Variants in LIX1 observed in about 807,000 individuals in gnomAD.
LIX1 encodes limb and CNS expressed 1, also known as protein limb expression 1 homolog.
A neutral mutation model predicts 33.4 loss-of-function variants in LIX1; 24 were observed. The ratio of observed to expected loss-of-function variants is 0.72; its 90% CI spans 0.52 to 1.01. LIX1 has a LOEUF of 1.01. Among genes scored for constraint, LIX1 ranks in the 50% least tolerant of loss-of-function variants. LIX1 has a pLI of 0.00. For missense variants in LIX1, 311 were observed against 339.2 expected (o/e 0.92, Z 0.65); for synonymous variants, 124 against 124.0 (o/e 1.00, Z 0.00).
intron 1 of LIX1, among the ~76,000 whole-genome samples, chr5:97,141,755 T>C (rs558004901): frequency 6.6e-6 from 1 of 152,200 alleles, no homozygotes; most frequent in Non-Finnish European, 1.5e-5. Flanking sequence ...AACATGAAGA[T>C]AGTCTGTTTT....
chr5:97,122,443 A>G (rs150330689), intron 2 of LIX1, among the ~76,000 whole-genome samples: 1 of 152,250 alleles, frequency 6.6e-6, no homozygotes, highest in African/African-American at 2.4e-5. Context: ...GCCTAGCACT[A>G]TTGTGAATTT....
At chr5:97,110,087 T>A (rs923818092) in intron 2 of LIX1, among the ~76,000 whole-genome samples, 1 of 152,230 alleles carries the variant, frequency 6.6e-6, no homozygotes, top group African/African-American at 2.4e-5. Context: ...TTTTTTTCTT[T>A]GGGTAAATTC....
intron 4 of LIX1, among the ~76,000 whole-genome samples, chr5:97,097,725 AGTTTG>A (rs1473772777): frequency 6.6e-6 from 1 of 152,248 alleles, no homozygotes; most frequent in Admixed American, 6.5e-5. Context: ...GGACGCCATT[AGTTTG>A]GACAGAGCTA....
chr5:97,123,244 A>T (rs1414841626), intron 2 of LIX1, among the ~76,000 whole-genome samples: 2 of 152,020 alleles, frequency 1.3e-5, no homozygotes, highest in Admixed American at 6.6e-5. Flanking sequence ...TTCAACCCAT[A>T]TCTCTTCCTT....
chr5:97,124,354 A>T, intron 2 of LIX1, 112 bp downstream of exon 2: 1 of 920,628 alleles, frequency 1.1e-6, no homozygotes, highest in Non-Finnish European at 1.6e-6. Flanking sequence ...AGGATATGGT[A>T]CAACTTTGTT....
intron 2 of LIX1, among the ~76,000 whole-genome samples, chr5:97,108,214 C>T (rs1484511067): frequency 2.6e-5 from 4 of 152,212 alleles, no homozygotes. Flanking sequence ...CCCCCACCTT[C>T]CTTCTAGTAA....
At chr5:97,121,313 T>A (rs1287747806) in intron 2 of LIX1, among the ~76,000 whole-genome samples, 1 of 152,160 alleles carries the variant, frequency 6.6e-6, no homozygotes, top group Non-Finnish European at 1.5e-5. Context: ...CCATTTCCAT[T>A]TGACAACCTA....
Position 97,095,033 on chromosome 5 carries a change from T to C in LIX1, c.564A>G (p.Glu188=). The change falls in exon 6 of 6, where the codon GAA becomes GAG. Residue 188 remains glutamate (E), a splice_region_variant and synonymous_variant. Transcript: ENST00000274382. The part of the protein sequence containing the change: ...ALRETKCSRQ[E]VISYYSQYSL... Reference sequence around the variant, plus strand: ...AATACTGAGAATAGTAGGAGATGACTTCCTGGGGGCCAAGAAACAAAGTCC... The same window carrying C: ...AATACTGAGAATAGTAGGAGATGACCTCCTGGGGGCCAAGAAACAAAGTCC... 3.7e-6 allele frequency: 6 copies of C among 1,612,018 alleles called. No individual in the cohort carries two copies. Among genetic ancestry groups the C allele is most frequent in the Non-Finnish European group, 4.2e-6 (5 of 1,178,572 alleles).
chr5:97,096,896 C>T lies in LIX1; in HGVS notation c.484-9G>A. 6.2e-7 allele frequency: 1 copy of T among 1,609,686 alleles called. No individual in the cohort carries two copies. The highest frequency in any genetic ancestry group is 8.5e-7 in the Non-Finnish European group (1 of 1,175,940). ...AAAATGGTCATCAGCTCCTACAAAA[C>T]CCAAACACCTATCATTGGTCCCAAA... On this transcript the variant is annotated splice_polypyrimidine_tract_variant and intron_variant, in intron 4 of 5. Coordinates refer to ENST00000274382, the MANE Select transcript of LIX1 (RefSeq NM_153234.5).
At chr5:97,095,169 A>G in intron 5 of LIX1, 134 bp from the exon 6 acceptor site, 1 of 847,942 alleles carries the variant, frequency 1.2e-6, no homozygotes, top group Non-Finnish European at 1.8e-6. Context: ...AAAAACTGAA[A>G]CCAAAACCCA....
rs113654409 is a variant in LIX1 at position 97,140,534 on chromosome 5, A to G, written c.82+1961T>C. On this transcript the variant is annotated intron_variant, in intron 1 of 5. Transcript: ENST00000274382. ...AGTGTGGTGGCAGCAACTTATGGGT[A>G]TGCCAAAGAAAATGGGACCATATGC... is the stretch of plus-strand genomic sequence containing the variant. 4.5e-3 allele frequency among the ~76,000 whole-genome samples: 678 copies of G among 152,324 alleles called. 6 individuals carry two copies. The highest frequency in any genetic ancestry group is 0.015 in the African/African-American group (631 of 41,578).
rs1580212742 is a variant in LIX1, at chr5:97,105,099, T to G, written c.483+91A>C. ...AAAAACACTTAAGACCAAAAGATTATTGGGTCGGGAGATGTTAGTGATAAA... is the reference window on the plus strand; with the variant it reads ...AAAAACACTTAAGACCAAAAGATTAGTGGGTCGGGAGATGTTAGTGATAAA... On this transcript the variant is annotated intron_variant, in intron 4 of 5. Coordinates refer to ENST00000274382, the MANE Select transcript of LIX1 (RefSeq NM_153234.5). 3 of 1,158,866 alleles carry G rather than the reference T, an allele frequency of 2.6e-6. No individual in the cohort carries two copies. In the East Asian group the frequency reaches 7.1e-5, roughly 27 times the overall value. 71.8% of individuals were successfully genotyped at this position (1,158,866 alleles called of 1,614,324 possible). A position where few individuals can be genotyped will look rare whatever the true frequency, so the allele number is the denominator to read the frequency against.
At chr5:97,136,996 C>G (rs148114188) in intron 1 of LIX1, 1 of 312,134 alleles carries the variant, frequency 3.2e-6, no homozygotes, top group East Asian at 9.4e-5. Context: ...AAAGAAGATT[C>G]TTTTATGAAA....
At chr5:97,120,640 A>G (rs1322238823) in intron 2 of LIX1, among the ~76,000 whole-genome samples, 1 of 152,156 alleles carries the variant, frequency 6.6e-6, no homozygotes, top group East Asian at 1.9e-4. Context: ...GAGTATGGGA[A>G]TGGTTAGAAG....
Position 97,124,549 on chromosome 5 carries a change from CCACCA to C in LIX1, c.158_162del (p.Val53GlyfsTer3). 1 of 1,612,538 alleles carries C rather than the reference CCACCA, an allele frequency of 6.2e-7. No individual in the cohort carries two copies. The highest frequency in any genetic ancestry group is 8.5e-7 in the Non-Finnish European group (1 of 1,179,022). On this transcript the variant is annotated frameshift_variant, in exon 2 of 6. Transcript: ENST00000274382. LOFTEE classifies it high-confidence loss of function. ...CCAGGAGCTGGCAGTGACTCATAGA[CCACCA>C]CACCTTCACTTGGGAATGCAGCCTT...
chr5:97,096,952 G>T, intron 4 of LIX1, 65 bp from the exon 5 acceptor site: 2 of 1,173,328 alleles, frequency 1.7e-6, no homozygotes, highest in South Asian at 1.2e-5. Flanking sequence ...GAGCTGAGCA[G>T]GGCATAACTC....
intron 1 of LIX1, chr5:97,137,093 T>G (rs1445375642): frequency 4.5e-6 from 2 of 446,658 alleles, no homozygotes; most frequent in East Asian, 1.4e-4. Context: ...GATCATAACT[T>G]AGAAACTCAC....
intron 5 of LIX1, among the ~76,000 whole-genome samples, chr5:97,096,229 G>T (rs2112745533): frequency 6.6e-6 from 1 of 152,288 alleles, no homozygotes; most frequent in African/African-American, 2.4e-5. Context: ...AAAAAAGGGG[G>T]AAGGGTGCTT....
chr5:97,110,593 T>C (rs976683772), intron 2 of LIX1, among the ~76,000 whole-genome samples: 4 of 152,118 alleles, frequency 2.6e-5, no homozygotes, highest in African/African-American at 9.7e-5. Flanking sequence ...TATAGGCATG[T>C]GCCACTACGC....
Sources: gnomAD v4.1 joint callset for allele counts (sites outside exome capture counted in the v4.1 genomes callset) on GRCh38, gnomAD v4.1.1 for gene constraint, MANE v1.5 for transcripts, NCBI Gene and HGNC (gene_info 2026-07-23, HGNC 2026-07-21) for gene names.